Variants in ADCY5 observed in about 807,000 individuals in gnomAD.
ADCY5 encodes the protein adenylate cyclase type 5.
In ADCY5, 30 loss-of-function variants were observed where a neutral mutation model predicts 119.7. The ratio of observed to expected loss-of-function variants is 0.25; its 90% confidence interval spans 0.19 to 0.34. ADCY5 has a LOEUF of 0.34. Ranked by LOEUF, ADCY5 falls within the 10% of genes least tolerant of loss-of-function variation. The pLI is 1.00. For synonymous variants in ADCY5, 753 were observed against 762.2 expected, an observed-to-expected ratio of 0.99 and a Z score of 0.20; for missense variants, 1,324 against 1,775.2, an observed-to-expected ratio of 0.75 and a Z score of 4.57.
chr3:123,434,399 T>A lies in ADCY5; in HGVS notation c.1134+13013A>T, dbSNP rs1057473072. Among the ~76,000 whole-genome samples, 8 of 152,098 alleles carry A rather than the reference T, an allele frequency of 5.3e-5. 1 individual carries two copies. The highest frequency in any genetic ancestry group is 2.4e-5 in the African/African-American group (1 of 41,410). ...TCAATCAGGAATCTATCACCCCCAG[T>A]GTATACAGGAGAGAAAAAGGACTAA... On this transcript the variant is annotated intron_variant, in intron 1 of 20. Transcript: ENST00000462833.
At chr3:123,374,737 A>T (rs1052431976) in intron 1 of ADCY5, among the ~76,000 whole-genome samples, 16 of 152,096 alleles carry the variant, frequency 1.1e-4, no homozygotes, top group African/African-American at 3.6e-4. Flanking sequence ...GCAGACTAGG[A>T]ATGCTGCTGC....
chr3:123,331,781 A>G (rs1216184350), intron 4 of ADCY5, among the ~76,000 whole-genome samples: 7 of 152,240 alleles, frequency 4.6e-5, no homozygotes, highest in Admixed American at 4.6e-4. Context: ...AGTGACAAGC[A>G]GGTGCTATTC....
In ADCY5 at chr3:123,284,544, A is replaced by G; in HGVS notation, c.*64T>C. 4.4e-6 allele frequency: 7 copies of G among 1,601,906 alleles called. No individual in the cohort carries two copies. The highest frequency in any genetic ancestry group is 6.0e-6 in the Non-Finnish European group (7 of 1,171,582). On this transcript the variant is annotated 3_prime_UTR_variant, in exon 21 of 21. Transcript: ENST00000462833. Reference sequence around the variant, plus strand: ...GCATGGCTTCCCCGCCACCCCCGGCACACAGAGAAGCTGCTTCCATGCCTC... The same window carrying G: ...GCATGGCTTCCCCGCCACCCCCGGCGCACAGAGAAGCTGCTTCCATGCCTC...
intron 1 of ADCY5, among the ~76,000 whole-genome samples, chr3:123,382,872 C>T (rs1476387670): frequency 6.6e-6 from 1 of 151,658 alleles, no homozygotes; most frequent in Non-Finnish European, 1.5e-5. Context: ...TAATGTCTGA[C>T]TGGCACACTT....
In ADCY5 at chr3:123,342,054, T is replaced by C. The variant is rs150718741; in HGVS notation, c.1406+5728A>G. Among the ~76,000 whole-genome samples the C allele has an allele frequency of 4.8e-3, 734 of 152,244 alleles. 3 individuals carry two copies. The highest frequency in any genetic ancestry group is 0.017 in the African/African-American group (711 of 41,552). On this transcript the variant is annotated intron_variant, in intron 3 of 20. Transcript: ENST00000462833. ...ATCCTGTTGCCTCAGCTTCCCAGTA[T>C]TCTGGGCCTGGGATTACAAGTATGA...
At chr3:123,368,724 C>A (rs1432258684) in intron 1 of ADCY5, among the ~76,000 whole-genome samples, 1 of 144,560 alleles carries the variant, frequency 6.9e-6, no homozygotes, top group East Asian at 2.0e-4. Context: ...TGCACTCCAG[C>A]GTGGGTGACA....
At chr3:123,317,711 G>C (rs141611776) in intron 11 of ADCY5, among the ~76,000 whole-genome samples, 4 of 151,114 alleles carry the variant, frequency 2.6e-5, no homozygotes, top group African/African-American at 9.7e-5. Flanking sequence ...CTCCAGCCTG[G>C]GCAACAGAGC....
chr3:123,432,732 G>C (rs2107647449), intron 1 of ADCY5, among the ~76,000 whole-genome samples: 1 of 152,202 alleles, frequency 6.6e-6, no homozygotes, highest in Non-Finnish European at 1.5e-5. Flanking sequence ...TTGCTATGTA[G>C]CCCAGGCTGG....
chr3:123,354,963 C>A (rs964006810), intron 1 of ADCY5, among the ~76,000 whole-genome samples: 2 of 152,156 alleles, frequency 1.3e-5, no homozygotes, highest in Non-Finnish European at 2.9e-5. Flanking sequence ...TTAATCTGAT[C>A]AATAGCATAT....
chr3:123,380,404 G>A (rs1943992672), intron 1 of ADCY5, among the ~76,000 whole-genome samples: 1 of 152,236 alleles, frequency 6.6e-6, no homozygotes, highest in Admixed American at 6.5e-5. Context: ...GATGCAGAGA[G>A]AAGAGGCCTG....
intron 1 of ADCY5, among the ~76,000 whole-genome samples, chr3:123,426,763 T>G (rs1945424520): frequency 6.6e-6 from 1 of 151,716 alleles, no homozygotes. Context: ...CCTGTAGGAG[T>G]ACCAGGAGCT....
rs1576672341 is a variant in ADCY5, at chr3:123,404,769, A to C, written c.1134+42643T>G. ...TAGGTGGAGCCTGATGGGAAAAATC[A>C]CAAGGCCAGGGCTCACTACCTTGGC... On this transcript the variant is annotated intron_variant, in intron 1 of 20. Coordinates refer to ENST00000462833, the MANE Select transcript of ADCY5 (RefSeq NM_183357.3). 3.3e-5 allele frequency among the ~76,000 whole-genome samples: 5 copies of C among 152,226 alleles called. No individual in the cohort carries two copies. The East Asian group carries it at 9.6e-4, about 29-fold the overall frequency.
At chr3:123,293,688 G>A (rs1939312437) in intron 17 of ADCY5, among the ~76,000 whole-genome samples, 2 of 152,186 alleles carry the variant, frequency 1.3e-5, no homozygotes, top group South Asian at 4.1e-4. Context: ...AACAGGGAAG[G>A]CTGGGAAGAA....
chr3:123,434,251 C>G (rs543425362), intron 1 of ADCY5, among the ~76,000 whole-genome samples: 1 of 152,184 alleles, frequency 6.6e-6, no homozygotes, highest in Non-Finnish European at 1.5e-5. Flanking sequence ...GTTCACCTCT[C>G]GGAGCCTCTT....
rs76316144 is a variant in ADCY5, at chr3:123,387,573, C to G, written c.1135-34992G>C. Among the ~76,000 whole-genome samples, 509 of 152,328 alleles carry G rather than the reference C, an allele frequency of 3.3e-3. 1 individual carries two copies. Among genetic ancestry groups the G allele is most frequent in the African/African-American group, 0.012 (494 of 41,564 alleles). On this transcript the variant is annotated intron_variant, in intron 1 of 20. Transcript: ENST00000462833. ...TCTACAAGGCCGCAGAGAAGCTCAT[C>G]TCTTACCTAGGAGGACATTCATCCT... is the stretch of plus-strand genomic sequence containing the variant.
At chr3:123,422,025 T>C (rs1020900238) in intron 1 of ADCY5, among the ~76,000 whole-genome samples, 1 of 152,190 alleles carries the variant, frequency 6.6e-6, no homozygotes, top group Non-Finnish European at 1.5e-5. Context: ...TACCCGGTGT[T>C]TCTCCCCTGG....
At chr3:123,401,662 A>G (rs1944757497) in intron 1 of ADCY5, among the ~76,000 whole-genome samples, 1 of 152,098 alleles carries the variant, frequency 6.6e-6, no homozygotes, top group Non-Finnish European at 1.5e-5. Flanking sequence ...AGAAGCTGGG[A>G]TCCCTCCTGA....
Position 123,289,889 on chromosome 3 carries a change from A to G in ADCY5, c.3393T>C (p.Ala1131=), listed in dbSNP as rs748940489. 30 of 1,614,118 alleles carry G rather than the reference A, an allele frequency of 1.9e-5. No individual in the cohort carries two copies. The highest frequency in any genetic ancestry group is 2.3e-5 in the Non-Finnish European group (27 of 1,180,058). The part of the protein sequence containing the change: ...KIKTIGSTYM[A]ASGLNDSTYD... Reference sequence around the variant, plus strand: ...AGGTAGAGTCGTTGAGGCCGGAGGCAGCCATGTAGGTGCTGCCGATGGTCT... The same window carrying G: ...AGGTAGAGTCGTTGAGGCCGGAGGCGGCCATGTAGGTGCTGCCGATGGTCT... The change falls in exon 19 of 21, where the codon GCT becomes GCC. Residue 1131 remains alanine, a synonymous_variant. Transcript: ENST00000462833.
chr3:123,448,306 A>ATCG lies in ADCY5; in HGVS notation c.237_239dup (p.Asp80dup), dbSNP rs754577305. The ATCG allele has an allele frequency of 3.2e-6, 5 of 1,539,558 alleles. No homozygotes were observed. The highest frequency in any genetic ancestry group is 2.9e-5 in the African/African-American group (2 of 70,076). On this transcript the variant is annotated inframe_insertion, in exon 1 of 21. Transcript: ENST00000462833. ...GGGGGTCGTCACCGCTCAGCGGAGG[A>ATCG]TCGTCGTCGTCGTCGCTGCGCCAGC...
Sources: gnomAD v4.1 joint callset for allele counts (sites outside exome capture counted in the v4.1 genomes callset) on GRCh38, gnomAD v4.1.1 for gene constraint, MANE v1.5 for transcripts, NCBI Gene and HGNC (gene_info 2026-07-23, HGNC 2026-07-21) for gene names.